MAD1L1: variants seen among roughly 807,000 people sequenced by gnomAD.
The protein encoded by MAD1L1 is mitotic spindle assembly checkpoint protein MAD1.
Under a neutral mutation model 96.9 loss-of-function variants are expected in MAD1L1, and 95 were observed. The ratio of observed to expected loss-of-function variants is 0.98; its 90% confidence interval spans 0.83 to 1.16. The LOEUF is 1.16. MAD1L1 is among the 50% of genes most tolerant of loss of function. The pLI, the probability that MAD1L1 is intolerant of heterozygous loss-of-function variation, is 0.00. For missense variants in MAD1L1, 1,007 were observed against 954.4 expected (o/e 1.06, Z -0.73); for synonymous variants, 473 against 396.6 (o/e 1.19, Z -2.29).
At chr7:1,873,986 G>C (rs941064770) in intron 18 of MAD1L1, among the ~76,000 whole-genome samples, 1 of 152,174 alleles carries the variant, frequency 6.6e-6, no homozygotes, top group African/African-American at 2.4e-5. Context: ...GCCAGGGTCA[G>C]TTCCGGTGGG....
intron 10 of MAD1L1, among the ~76,000 whole-genome samples, chr7:2,209,200 C>T (rs1156718049): frequency 6.6e-6 from 1 of 152,186 alleles, no homozygotes; most frequent in East Asian, 1.9e-4. Context: ...GTTTCACTGA[C>T]CCACCCCAGC....
intron 16 of MAD1L1, among the ~76,000 whole-genome samples, chr7:1,948,018 C>T (rs1055660089): frequency 3.3e-5 from 5 of 152,122 alleles, no homozygotes; most frequent in African/African-American, 9.7e-5. Context: ...TGCCCGGGAG[C>T]GGTGGGAGGA....
intron 13 of MAD1L1, among the ~76,000 whole-genome samples, chr7:2,003,219 C>T (rs1781884182): frequency 6.6e-6 from 1 of 152,160 alleles, no homozygotes; most frequent in African/African-American, 2.4e-5. Context: ...AACCACCAGG[C>T]AAGTCACCAG....
chr7:1,836,899 T>C (rs961521963), intron 18 of MAD1L1, among the ~76,000 whole-genome samples: 2 of 152,154 alleles, frequency 1.3e-5, no homozygotes, highest in African/African-American at 4.8e-5. Flanking sequence ...TTTGTGACCT[T>C]GGGTTAGGTA....
At chr7:2,144,857 C>A (rs1789214489) in intron 11 of MAD1L1, among the ~76,000 whole-genome samples, 1 of 152,168 alleles carries the variant, frequency 6.6e-6, no homozygotes, top group Non-Finnish European at 1.5e-5. Flanking sequence ...TAAACCAGGC[C>A]AGGCTCCCCT....
chr7:2,212,865 T>C (rs978231333), intron 10 of MAD1L1, among the ~76,000 whole-genome samples: 2 of 152,204 alleles, frequency 1.3e-5, no homozygotes, highest in Non-Finnish European at 2.9e-5. Context: ...TTCCCTAAAA[T>C]GAATGATTTC....
chr7:2,082,491 A>G (rs561347309), intron 11 of MAD1L1, among the ~76,000 whole-genome samples: 1 of 152,306 alleles, frequency 6.6e-6, no homozygotes, highest in South Asian at 2.1e-4. Context: ...CCATGTGGCC[A>G]GTGAATCAGA....
At chr7:1,950,142 A>G (rs1366239418) in intron 16 of MAD1L1, among the ~76,000 whole-genome samples, 1 of 152,230 alleles carries the variant, frequency 6.6e-6, no homozygotes, top group African/African-American at 2.4e-5. Context: ...CTGCCCAGGC[A>G]GCAGACGCAG....
At chr7:2,191,860 G>A (rs1187910610) in intron 10 of MAD1L1, among the ~76,000 whole-genome samples, 3 of 151,902 alleles carry the variant, frequency 2.0e-5, no homozygotes, top group African/African-American at 4.8e-5. Flanking sequence ...GTGAAACTTC[G>A]TCTCTACTAA....
At chr7:2,044,157 C>A (rs976353829) in intron 12 of MAD1L1, among the ~76,000 whole-genome samples, 19 of 152,246 alleles carry the variant, frequency 1.2e-4, no homozygotes, top group African/African-American at 4.6e-4. Context: ...ATAGCGAATG[C>A]TCACAGGACA....
chr7:2,172,714 TA>T (rs901190556), intron 10 of MAD1L1, among the ~76,000 whole-genome samples: 1 of 152,102 alleles, frequency 6.6e-6, no homozygotes, highest in African/African-American at 2.4e-5. Flanking sequence ...GGGACAGAGG[TA>T]AGGGATAGAG....
chr7:1,889,010 G>A (rs1306585009), intron 18 of MAD1L1, among the ~76,000 whole-genome samples: 3 of 152,220 alleles, frequency 2.0e-5, no homozygotes, highest in South Asian at 4.1e-4. Context: ...GCAGACAGTG[G>A]CAGGGATCCA....
At chr7:1,818,804 C>T (rs1020562427) in intron 18 of MAD1L1, among the ~76,000 whole-genome samples, 1 of 151,684 alleles carries the variant, frequency 6.6e-6, no homozygotes, top group Non-Finnish European at 1.5e-5. Context: ...TCCTCTCTGC[C>T]GGCCTCAGGC....
At chr7:1,952,300 C>A (rs1038257509) in intron 16 of MAD1L1, among the ~76,000 whole-genome samples, 1 of 152,258 alleles carries the variant, frequency 6.6e-6, no homozygotes, top group Non-Finnish European at 1.5e-5. Flanking sequence ...CCGAGGACTG[C>A]GGCCGACTCA....
At position 2,002,196 on chromosome 7, in the gene MAD1L1, C is replaced by A. The variant is rs998627351; in HGVS notation, c.1360-75G>T. 8 of 1,381,454 alleles carry A rather than the reference C, an allele frequency of 5.8e-6. No homozygotes were observed. The East Asian group carries it at 1.6e-4, about 28-fold the overall frequency. The allele number at this position is 1,381,454 out of a possible 1,614,324, so 85.6% of individuals were successfully genotyped here. On this transcript the variant is annotated intron_variant, in intron 13 of 18. Transcript: ENST00000265854. Reference sequence around the variant, plus strand: ...ATTTCTAGGACTGCAGGGAACACAACCCCCACCACCCCGCAGCCTCCACTC... The same window carrying A: ...ATTTCTAGGACTGCAGGGAACACAAACCCCACCACCCCGCAGCCTCCACTC...
chr7:1,888,805 G>A (rs2128436057), intron 18 of MAD1L1, among the ~76,000 whole-genome samples: 1 of 152,314 alleles, frequency 6.6e-6, no homozygotes, highest in South Asian at 2.1e-4. Context: ...ATGCATGTGG[G>A]TGGCTGTGCA....
At chr7:1,960,250 GAA>G (rs55800455) in intron 15 of MAD1L1, among the ~76,000 whole-genome samples, 3 of 128,798 alleles carry the variant, frequency 2.3e-5, no homozygotes, top group African/African-American at 5.6e-5. Flanking sequence ...AAGGTAAAAA[GAA>G]AAAAAAAAAA....
intron 18 of MAD1L1, among the ~76,000 whole-genome samples, chr7:1,820,553 G>A (rs1384674541): frequency 6.6e-6 from 1 of 151,922 alleles, no homozygotes; most frequent in African/African-American, 2.4e-5. Flanking sequence ...GATCACTTGA[G>A]CCCTGGAGTT....
chr7:2,124,207 C>T (rs1487402115), intron 11 of MAD1L1, among the ~76,000 whole-genome samples: 2 of 152,186 alleles, frequency 1.3e-5, no homozygotes, highest in African/African-American at 2.4e-5. Context: ...CATCGGGCAG[C>T]GGTGCAGGAC....
Sources: allele counts gnomAD v4.1 joint callset (sites outside exome capture counted in the v4.1 genomes callset), GRCh38; gene constraint gnomAD v4.1.1; transcripts MANE v1.5; gene names NCBI Gene and HGNC (gene_info 2026-07-23, HGNC 2026-07-21).